The following ABCB10 variants were observed in gnomAD, a reference collection of about 807,000 sequenced individuals.
ABCB10 encodes ATP-binding cassette sub-family B member 10, mitochondrial.
In ABCB10, 54 loss-of-function variants were observed where a neutral mutation model predicts 65.4. The ratio of observed to expected loss-of-function variants is 0.83; its 90% CI spans 0.66 to 1.04. The LOEUF (loss-of-function observed/expected upper bound fraction) is 1.04, where lower values mean the gene tolerates loss of function less well. Ranked by LOEUF, ABCB10 falls within the 50% of genes least tolerant of loss-of-function variation. ABCB10 has a pLI of 0.00. For synonymous variants in ABCB10, 418 were observed against 406.5 expected (o/e 1.03, Z -0.34); for missense variants, 846 against 976.6 (o/e 0.87, Z 1.78).
intron 1 of ABCB10, among the ~76,000 whole-genome samples, chr1:229,556,871 C>A (rs1409232742): frequency 6.6e-6 from 1 of 152,180 alleles, no homozygotes; most frequent in African/African-American, 2.4e-5. Context: ...CTGTGCCGTG[C>A]ACATGCTAAG....
chr1:229,518,102 T>C lies in ABCB10; in HGVS notation c.*77A>G, dbSNP rs1389652489. 18 of 1,060,564 alleles carry C rather than the reference T, an allele frequency of 1.7e-5. No individual in the cohort carries two copies. Among genetic ancestry groups the C allele is most frequent in the Non-Finnish European group, 2.5e-5 (18 of 706,532 alleles). The allele number at this position is 1,060,564 out of a possible 1,614,324, so 65.7% of individuals were successfully genotyped here. On this transcript the variant is annotated 3_prime_UTR_variant, in exon 13 of 13. Transcript: ENST00000344517. ...AATAACTTGATATATGGTTTATGTA[T>C]TTCATAGTCTCTGAGTTTTTTTTCT...
chr1:229,549,347 T>C lies in ABCB10; in HGVS notation c.605A>G (p.Asn202Ser), dbSNP rs753491226. ...LGKIIDVIYT[N>S]PTVDYSDNLT... is the part of the protein sequence containing the mutation. ...GTTGTCGCTGTAGTCCACAGTGGGG[T>C]TGGTATAGATGACATCAATGATCTT... The change falls in exon 2 of 13, where the codon AAC (asparagine) becomes AGC (serine). Residue 202 changes from asparagine to serine, a missense_variant. Physicochemically the swap from Asn to Ser is conservative, Grantham distance 46. Transcript: ENST00000344517. The C allele has an allele frequency of 3.7e-6, 6 of 1,612,094 alleles. No individual in the cohort carries two copies. In the African/African-American group the frequency reaches 4.0e-5, roughly 11 times the overall value.
chr1:229,540,837 T>C (rs747667643), intron 4 of ABCB10, 85 bp from the exon 5 acceptor site: 39 of 1,439,146 alleles, frequency 2.7e-5, no homozygotes, highest in Non-Finnish European at 3.4e-5. Context: ...GTGGTTCTCA[T>C]TTTGTTATTC....
chr1:229,530,059 G>A, intron 8 of ABCB10, 140 bp downstream of exon 8: 1 of 850,290 alleles, frequency 1.2e-6, no homozygotes, highest in Non-Finnish European at 1.8e-6. Context: ...CTGTTTGAGG[G>A]ATTTCTTTCC....
At position 229,542,282 on chromosome 1, in the gene ABCB10, C is replaced by T. The variant is rs984845299; in HGVS notation, c.1011G>A (p.Arg337=). Residue 337 remains arginine (R), a synonymous_variant, in exon 4 of 13, where the codon CGG becomes CGA. Coordinates refer to ENST00000344517, the MANE Select transcript of ABCB10 (RefSeq NM_012089.3). ...IIAVIYGRYL[R]KLTKVTQDSL... ...AATCCTGAGTGACTTTGGTCAGTTT[C>T]CGTAGATATCGCCCATAAATTACAG... The T allele has an allele frequency of 1.5e-5, 25 of 1,614,084 alleles. No individual in the cohort carries two copies. The highest frequency in any genetic ancestry group is 2.1e-5 in the Non-Finnish European group (25 of 1,180,024).
intron 6 of ABCB10, among the ~76,000 whole-genome samples, chr1:229,534,679 G>C (rs1662666631): frequency 6.6e-6 from 1 of 151,814 alleles, no homozygotes; most frequent in Non-Finnish European, 1.5e-5. Context: ...GATCAGCCTG[G>C]CCAACATGGT....
chr1:229,531,730 A>T lies in ABCB10; in HGVS notation c.1341T>A (p.Gly447=). ...YAFWVGISIG[G]LSSFYSELMK... ...TCAGCTCCGAGTAGAAAGAGCTCAG[A>T]CCTGAGGATGAGAAGCAGAATCCAC... Residue 447 remains glycine (G), a splice_region_variant and synonymous_variant, in exon 7 of 13, where the codon GGT becomes GGA. Coordinates refer to ENST00000344517, the MANE Select transcript of ABCB10 (RefSeq NM_012089.3). 1 of 1,613,634 alleles carries T rather than the reference A, an allele frequency of 6.2e-7. No homozygotes were observed. Among genetic ancestry groups the T allele is most frequent in the South Asian group, 1.1e-5 (1 of 91,056 alleles).
intron 6 of ABCB10, among the ~76,000 whole-genome samples, chr1:229,534,478 C>A (rs1160670942): frequency 1.3e-5 from 2 of 152,034 alleles, no homozygotes; most frequent in African/African-American, 2.4e-5. Context: ...GTAATCCCAG[C>A]ACTTTGGGAG....
At chr1:229,539,322 T>C (rs1662788203) in intron 6 of ABCB10, 134 bp downstream of exon 6, 13 of 1,338,402 alleles carry the variant, frequency 9.7e-6, no homozygotes, top group Middle Eastern at 1.8e-4. Flanking sequence ...AAAAGCCCAG[T>C]TGGAATAATA....
chr1:229,553,535 G>T (rs1393776296), intron 1 of ABCB10, among the ~76,000 whole-genome samples: 1 of 152,066 alleles, frequency 6.6e-6, no homozygotes, highest in African/African-American at 2.4e-5. Flanking sequence ...GAGGGATAAA[G>T]GGCAGAGTAT....
chr1:229,519,647 G>T (rs1043508508), intron 11 of ABCB10, among the ~76,000 whole-genome samples: 2 of 152,158 alleles, frequency 1.3e-5, no homozygotes, highest in African/African-American at 4.8e-5. Flanking sequence ...AAAATTAGCT[G>T]GCCTGGTGGC....
intron 3 of ABCB10, among the ~76,000 whole-genome samples, chr1:229,546,964 C>CTCA (rs1480590767): frequency 2.6e-5 from 4 of 152,082 alleles, no homozygotes; most frequent in Admixed American, 2.6e-4. Flanking sequence ...ACATTAAAAT[C>CTCA]ACATATGTGG....
intron 6 of ABCB10, chr1:229,531,946 AGT>A: frequency 2.7e-5 from 6 of 219,724 alleles, no homozygotes; most frequent in East Asian, 8.5e-5. Context: ...CCAGTTTCAT[AGT>A]TTTTTTTTTT....
Position 229,531,502 on chromosome 1 carries a change from C to T in ABCB10, c.1435+134G>A, listed in dbSNP as rs1571963086. 25 of 870,926 alleles carry T rather than the reference C, an allele frequency of 2.9e-5. No individual in the cohort carries two copies. In the East Asian group the frequency reaches 4.7e-4, roughly 16 times the overall value. 53.9% of individuals were successfully genotyped at this position (870,926 alleles called of 1,614,324 possible). ...TAGAAAACCTGACCACCTCCTCACC[C>T]GGCCCGCCATGCAGCAGGAGCCACA... On this transcript the variant is annotated intron_variant, in intron 7 of 12. Transcript: ENST00000344517.
In ABCB10 at chr1:229,529,395, G is replaced by A. The variant is rs1662526382; in HGVS notation, c.1645+804C>T. ...CACATAGAAGTTAATCACTGGCCAG[G>A]CACGGTGGCTCACACCTGTAATCCC... On this transcript the variant is annotated intron_variant, in intron 8 of 12. Coordinates refer to ENST00000344517, the MANE Select transcript of ABCB10 (RefSeq NM_012089.3). 2.7e-5 allele frequency among the ~76,000 whole-genome samples: 4 copies of A among 147,052 alleles called. No individual in the cohort carries two copies. In the South Asian group the frequency reaches 8.8e-4, roughly 32 times the overall value.
chr1:229,533,782 A>C (rs1662641798), intron 6 of ABCB10, among the ~76,000 whole-genome samples: 1 of 152,318 alleles, frequency 6.6e-6, no homozygotes, highest in Admixed American at 6.5e-5. Flanking sequence ...CCAAAAACTA[A>C]TGTAGAGTGA....
intron 9 of ABCB10, among the ~76,000 whole-genome samples, chr1:229,526,677 C>T (rs1156246500): frequency 6.6e-6 from 1 of 152,238 alleles, no homozygotes; most frequent in Non-Finnish European, 1.5e-5. Context: ...GGTTTGTATG[C>T]TGTGTGCACA....
At chr1:229,531,587 T>C (rs768158532) in intron 7 of ABCB10, 49 bp downstream of exon 7, 2 of 1,574,986 alleles carry the variant, frequency 1.3e-6, no homozygotes, top group Non-Finnish European at 1.7e-6. Context: ...GTCTCATTGT[T>C]CAAAGCCACA....
rs1320075402 is a variant in ABCB10 at position 229,544,465 on chromosome 1, T to C, written c.922-2094A>G. ...AAGGAATAGCAGAAACACAACTTAA[T>C]GGTGGGTAGGCCCACTATGTAAATT... On this transcript the variant is annotated intron_variant, in intron 3 of 12. Coordinates refer to ENST00000344517, the MANE Select transcript of ABCB10 (RefSeq NM_012089.3). 4.7e-5 allele frequency among the ~76,000 whole-genome samples: 7 copies of C among 147,856 alleles called. No individual in the cohort carries two copies. In the East Asian group the frequency reaches 1.4e-3, roughly 29 times the overall value.
Sources: allele counts gnomAD v4.1 joint callset (sites outside exome capture counted in the v4.1 genomes callset), GRCh38; gene constraint gnomAD v4.1.1; transcripts MANE v1.5; gene names NCBI Gene and HGNC (gene_info 2026-07-23, HGNC 2026-07-21).